The following RTN4 variants were observed in gnomAD, a reference collection of about 807,000 sequenced individuals.
RTN4 encodes the protein reticulon-4.
In RTN4, 32 loss-of-function variants were observed where a neutral mutation model predicts 90.4. The ratio of observed to expected loss-of-function variants is 0.35; its 90% CI spans 0.27 to 0.48. The LOEUF (loss-of-function observed/expected upper bound fraction) is 0.48. Among genes scored for constraint, RTN4 ranks in the 20% least tolerant of loss-of-function variants. The pLI, the probability that RTN4 is intolerant of heterozygous loss-of-function variation, is 0.99. For missense variants in RTN4, 1,706 were observed against 1,430.2 expected, an observed-to-expected ratio of 1.19 and a Z score of -3.11; for synonymous variants, 629 against 552.5, an observed-to-expected ratio of 1.14 and a Z score of -1.94.
chr2:55,057,864 T>C (rs1668217696), intron 2 of RTN4, among the ~76,000 whole-genome samples: 2 of 152,284 alleles, frequency 1.3e-5, no homozygotes, highest in South Asian at 2.1e-4. Context: ...ATGCATGTGG[T>C]TCTAGCTACT....
intron 3 of RTN4, among the ~76,000 whole-genome samples, chr2:54,990,392 T>A (rs1185631890): frequency 6.6e-6 from 1 of 152,214 alleles, no homozygotes; most frequent in Non-Finnish European, 1.5e-5. Context: ...TATACAGCTA[T>A]GATTTGTCAA....
At chr2:54,985,533 G>A (rs553827347) in intron 4 of RTN4, among the ~76,000 whole-genome samples, 1 of 152,146 alleles carries the variant, frequency 6.6e-6, no homozygotes, top group African/African-American at 2.4e-5. Flanking sequence ...ATAAAATGGA[G>A]TGATACCACC....
chr2:55,060,620 GTA>G (rs1211044657), intron 2 of RTN4: 1 of 152,232 alleles, frequency 6.6e-6, no homozygotes, highest in East Asian at 1.9e-4. Flanking sequence ...TGGTGGCAGA[GTA>G]TGCTAAAGAC....
At chr2:54,993,294 G>A (rs951117753) in intron 3 of RTN4, among the ~76,000 whole-genome samples, 6 of 151,882 alleles carry the variant, frequency 4.0e-5, no homozygotes, top group Non-Finnish European at 7.4e-5. Flanking sequence ...GTTTCTATTC[G>A]GTACTACTGA....
intron 2 of RTN4, among the ~76,000 whole-genome samples, chr2:55,073,774 C>A (rs1668553889): frequency 6.6e-6 from 1 of 152,210 alleles, no homozygotes; most frequent in African/African-American, 2.4e-5. Context: ...GATGTTGAAA[C>A]TGAAAAGAAC....
intron 2 of RTN4, among the ~76,000 whole-genome samples, chr2:55,055,970 A>G (rs1231996483): frequency 7.6e-6 from 1 of 131,006 alleles, no homozygotes; most frequent in African/African-American, 3.0e-5. Context: ...ATGTATCTAT[A>G]TATACATATA....
chr2:55,032,536 T>C (rs1682391673), intron 1 of RTN4, among the ~76,000 whole-genome samples: 1 of 151,410 alleles, frequency 6.6e-6, no homozygotes, highest in African/African-American at 2.4e-5. Context: ...TAACTGAAAA[T>C]AATCACTAGA....
chr2:55,125,740 T>C, the RTN4 span, among the ~76,000 whole-genome samples: 1 of 151,914 alleles, frequency 6.6e-6, no homozygotes, highest in African/African-American at 2.4e-5. Flanking sequence ...CACCCCAGCT[T>C]GCATGACAGA....
At position 55,049,989 on chromosome 2, in the gene RTN4, C is replaced by T; in HGVS notation, c.312G>A (p.Arg104=). ...LPAAPPVAPE[R]QPSWDPSPVS... is the part of the protein sequence containing the mutation. ...CCGGGCTCGGGTCCCAAGACGGCTGCCGCTCCGGGGCGACGGGGGGAGCGG... is the reference window on the plus strand; with the variant it reads ...CCGGGCTCGGGTCCCAAGACGGCTGTCGCTCCGGGGCGACGGGGGGAGCGG... The change falls in exon 1 of 9, where the codon CGG becomes CGA. Residue 104 remains arginine (R), a synonymous_variant. Transcript: ENST00000337526. The T allele has an allele frequency of 1.5e-6, 2 of 1,374,596 alleles. No individual in the cohort carries two copies. Among genetic ancestry groups the T allele is most frequent in the Admixed American group, 3.8e-5 (1 of 26,466 alleles). The allele number at this position is 1,374,596 out of a possible 1,614,324, so 85.1% of individuals were successfully genotyped here.
At chr2:55,068,316 AAC>A (rs1300778904) in intron 2 of RTN4, among the ~76,000 whole-genome samples, 3 of 152,164 alleles carry the variant, frequency 2.0e-5, no homozygotes, top group African/African-American at 7.2e-5. Flanking sequence ...ATCATCTAGT[AAC>A]ATCATATTGA....
At chr2:55,043,555 C>T (rs1275145682) in intron 1 of RTN4, among the ~76,000 whole-genome samples, 1 of 151,918 alleles carries the variant, frequency 6.6e-6, no homozygotes, top group African/African-American at 2.4e-5. Context: ...GAGTTCAAGA[C>T]CAACCTGGCC....
chr2:55,024,089 T>C (rs147492152), intron 3 of RTN4, among the ~76,000 whole-genome samples: 2 of 152,296 alleles, frequency 1.3e-5, no homozygotes, highest in East Asian at 3.9e-4. Flanking sequence ...ACCAAATTTG[T>C]ATCTTCCCTC....
Position 55,026,830 on chromosome 2 carries a change from T to C in RTN4, c.1269A>G (p.Lys423=), listed in dbSNP as rs148965039. 5.6e-6 allele frequency: 9 copies of C among 1,613,824 alleles called. No individual in the cohort carries two copies. Among genetic ancestry groups the C allele is most frequent in the Admixed American group, 5.0e-5 (3 of 59,978 alleles). ...TTTGCTCAAGGCTATCTGCAAAACA[T>C]TTTTTATCCACTTTACTTTCCAAGT... is the stretch of plus-strand genomic sequence containing the variant. The part of the protein sequence containing the change: ...ESNLESKVDK[K]CFADSLEQTN... Residue 423 remains lysine, a synonymous_variant, in exon 3 of 9, where the codon AAA becomes AAG. Transcript: ENST00000337526.
At chr2:55,065,432 C>T (rs561644098) in intron 2 of RTN4, among the ~76,000 whole-genome samples, 1 of 152,014 alleles carries the variant, frequency 6.6e-6, no homozygotes, top group East Asian at 1.9e-4. Flanking sequence ...TAAGAACATA[C>T]CTAAGAAAAT....
chr2:54,989,129 T>A (rs562521359), intron 3 of RTN4, among the ~76,000 whole-genome samples: 1 of 152,334 alleles, frequency 6.6e-6, no homozygotes, highest in African/African-American at 2.4e-5. Context: ...GGGAAAACTA[T>A]GTATGTGAAC....
chr2:55,128,895 T>G, the RTN4 span, among the ~76,000 whole-genome samples: 1 of 149,856 alleles, frequency 6.7e-6, no homozygotes, highest in African/African-American at 2.5e-5. Flanking sequence ...TCACCTGAGG[T>G]CAGGAGTTCG....
At chr2:55,060,939 G>A (rs536792387) in intron 2 of RTN4, among the ~76,000 whole-genome samples, 1 of 152,050 alleles carries the variant, frequency 6.6e-6, no homozygotes, top group Non-Finnish European at 1.5e-5. Flanking sequence ...AAGACTTCTT[G>A]TTGGCCCCTA....
Position 55,049,820 on chromosome 2 carries a change from G to A in RTN4, c.481C>T (p.Pro161Ser), listed in dbSNP as rs1667997946. 5.3e-6 allele frequency: 7 copies of A among 1,308,566 alleles called. No homozygotes were observed. The South Asian group carries it at 8.6e-5, about 16-fold the overall frequency. 81.1% of individuals were successfully genotyped at this position (1,308,566 alleles called of 1,614,324 possible). The change falls in exon 1 of 9, where the codon CCG (proline) becomes TCG (serine). Residue 161 changes from proline to serine, a missense_variant. Coordinates refer to ENST00000337526, the MANE Select transcript of RTN4 (RefSeq NM_020532.5). ...GGCGCGGCGGGAGCCGGGGCTGGCG[G>A]GGTCCACACGGGCTCTGCCTGGGGG... ...VSPQAEPVWT[P>S]PAPAPAAPPS...
rs552938697 is a variant in RTN4, at chr2:55,005,784, TTC to T, written c.3014-18088_3014-18087del. 4.6e-5 allele frequency among the ~76,000 whole-genome samples: 7 copies of T among 152,338 alleles called. No individual in the cohort carries two copies. In the East Asian group the frequency reaches 1.2e-3, roughly 25 times the overall value. On this transcript the variant is annotated intron_variant, in intron 3 of 8. Coordinates refer to ENST00000337526, the MANE Select transcript of RTN4 (RefSeq NM_020532.5). ...GGCCCAAGTCTAAACATGAAATTCA[TTC>T]TGTTTCATCTACATGTTATACCCAT...
Sources: gnomAD v4.1 joint callset for allele counts (sites outside exome capture counted in the v4.1 genomes callset) on GRCh38, gnomAD v4.1.1 for gene constraint, MANE v1.5 for transcripts, NCBI Gene and HGNC (gene_info 2026-07-23, HGNC 2026-07-21) for gene names.